NRXN1: variants seen among roughly 807,000 people sequenced by gnomAD.
NRXN1 encodes the protein neurexin-1.
NRXN1 carries 39 observed loss-of-function variants against 150.9 expected under a neutral mutation model. The ratio of observed to expected loss-of-function variants is 0.26; its 90% confidence interval spans 0.20 to 0.34. The LOEUF is 0.34. Among genes scored for constraint, NRXN1 ranks in the 10% least tolerant of loss-of-function variants. NRXN1 has a pLI of 1.00. For missense variants in NRXN1, 1,815 were observed against 1,949.9 expected (o/e 0.93, Z 1.30); for synonymous variants, 924 against 757.0 (o/e 1.22, Z -3.62).
intron 9 of NRXN1, among the ~76,000 whole-genome samples, chr2:50,543,226 C>T (rs1169708694): frequency 6.6e-6 from 1 of 151,914 alleles, no homozygotes; most frequent in Non-Finnish European, 1.5e-5. Flanking sequence ...TACATTCTAC[C>T]CCTTCTACTG....
chr2:50,401,465 G>A (rs1222070969), intron 17 of NRXN1, among the ~76,000 whole-genome samples: 1 of 152,062 alleles, frequency 6.6e-6, no homozygotes, highest in African/African-American at 2.4e-5. Flanking sequence ...TGGTGAGAGC[G>A]GGGAGGGAGA....
intron 5 of NRXN1, among the ~76,000 whole-genome samples, chr2:50,751,173 T>C (rs940576541): frequency 1.3e-5 from 2 of 151,988 alleles, no homozygotes; most frequent in African/African-American, 4.8e-5. Flanking sequence ...GGCTTTGGAT[T>C]TAACACTTTC....
At chr2:50,947,575 T>C (rs2104551998) in intron 2 of NRXN1, among the ~76,000 whole-genome samples, 1 of 152,018 alleles carries the variant, frequency 6.6e-6, no homozygotes, top group South Asian at 2.1e-4. Flanking sequence ...AGACACTAGA[T>C]ACATAAAACT....
intron 12 of NRXN1, among the ~76,000 whole-genome samples, chr2:50,510,653 AG>A (rs1265181914): frequency 1.3e-5 from 2 of 152,138 alleles, no homozygotes; most frequent in African/African-American, 2.4e-5. Flanking sequence ...TATTTAAGCC[AG>A]ATATATTAAT....
chr2:50,478,036 A>G (rs1456383798), intron 15 of NRXN1, among the ~76,000 whole-genome samples: 2 of 152,270 alleles, frequency 1.3e-5, no homozygotes, highest in Non-Finnish European at 2.9e-5. Flanking sequence ...AATTTGTACC[A>G]TTATCTTTAA....
intron 21 of NRXN1, among the ~76,000 whole-genome samples, chr2:49,955,823 A>G (rs1674838120): frequency 6.6e-6 from 1 of 152,186 alleles, no homozygotes; most frequent in African/African-American, 2.4e-5. Flanking sequence ...ACCAAGAAAT[A>G]GTGTAAGACA....
intron 21 of NRXN1, among the ~76,000 whole-genome samples, chr2:50,032,427 C>T (rs1290944353): frequency 6.6e-6 from 1 of 151,794 alleles, no homozygotes; most frequent in African/African-American, 2.4e-5. Context: ...GAAAATAGTG[C>T]CATGATGGAA....
chr2:50,072,430 A>G (rs114657033), intron 19 of NRXN1, among the ~76,000 whole-genome samples: 2,115 of 152,186 alleles, frequency 0.014, 47 homozygotes, highest in African/African-American at 0.048. Context: ...CCCAAAAGAT[A>G]CACTGTGTCC....
intron 17 of NRXN1, among the ~76,000 whole-genome samples, chr2:50,397,397 T>C (rs765277145): frequency 3.3e-4 from 50 of 152,068 alleles, no homozygotes; most frequent in Non-Finnish European, 6.3e-4. Context: ...AAGCAAAGAA[T>C]GACAAGCAGA....
At chr2:50,268,358 T>C (rs556288828) in intron 17 of NRXN1, among the ~76,000 whole-genome samples, 1 of 152,294 alleles carries the variant, frequency 6.6e-6, no homozygotes, top group South Asian at 2.1e-4. Context: ...AGTACACAAA[T>C]ATATGCTTTC....
At chr2:50,197,195 C>G (rs765608689) in intron 18 of NRXN1, among the ~76,000 whole-genome samples, 6 of 152,006 alleles carry the variant, frequency 3.9e-5, no homozygotes, top group Non-Finnish European at 8.8e-5. Context: ...GCTGCCAAAT[C>G]TTTGTTTTTT....
chr2:50,198,581 A>G (rs918496370), intron 18 of NRXN1, among the ~76,000 whole-genome samples: 1 of 152,152 alleles, frequency 6.6e-6, no homozygotes, highest in African/African-American at 2.4e-5. Context: ...TTTTTAAAAT[A>G]CAATACAAAT....
At chr2:50,409,348 G>A (rs1018215045) in intron 17 of NRXN1, among the ~76,000 whole-genome samples, 1 of 152,068 alleles carries the variant, frequency 6.6e-6, no homozygotes, top group Non-Finnish European at 1.5e-5. Flanking sequence ...TAAGTATAAA[G>A]AAAACAAAAC....
In NRXN1 at chr2:50,725,718, T is replaced by A. The variant is rs572916728; in HGVS notation, c.833-102103A>T. On this transcript the variant is annotated intron_variant, in intron 5 of 22. Coordinates refer to ENST00000401669, the MANE Select transcript of NRXN1 (RefSeq NM_001330078.2). ...AAAAACACAAAAATAAAAGCCCACA[T>A]TACATATAACTACAAAAGTTATCTG... Among the ~76,000 whole-genome samples, 16 of 152,298 alleles carry A rather than the reference T, an allele frequency of 1.1e-4. No individual in the cohort carries two copies. In the East Asian group the frequency reaches 3.1e-3, roughly 29 times the overall value.
chr2:50,191,614 T>G (rs1044943027), intron 18 of NRXN1, among the ~76,000 whole-genome samples: 1 of 152,172 alleles, frequency 6.6e-6, no homozygotes, highest in Non-Finnish European at 1.5e-5. Flanking sequence ...ACTTGTCAAA[T>G]CAATAATCTA....
At chr2:50,132,518 G>C (rs1705680292) in intron 18 of NRXN1, among the ~76,000 whole-genome samples, 1 of 152,000 alleles carries the variant, frequency 6.6e-6, no homozygotes, top group Non-Finnish European at 1.5e-5. Context: ...TGTTAGCCAG[G>C]ATGGTCTTGA....
At chr2:50,426,256 AT>A (rs1001177333) in intron 17 of NRXN1, among the ~76,000 whole-genome samples, 2 of 152,100 alleles carry the variant, frequency 1.3e-5, no homozygotes, top group African/African-American at 4.8e-5. Flanking sequence ...AATGCCACCA[AT>A]TGTGTTTCTT....
intron 21 of NRXN1, among the ~76,000 whole-genome samples, chr2:49,960,987 CT>C (rs1183061187): frequency 1.3e-5 from 2 of 151,864 alleles, no homozygotes; most frequent in Non-Finnish European, 2.9e-5. Flanking sequence ...AATTACAAGG[CT>C]TTTTTTCATG....
intron 17 of NRXN1, among the ~76,000 whole-genome samples, chr2:50,258,181 G>A (rs1476826828): frequency 6.6e-6 from 1 of 151,916 alleles, no homozygotes; most frequent in Non-Finnish European, 1.5e-5. Context: ...TGCATCAAAT[G>A]ACTCTACACA....
Sources: gnomAD v4.1 joint callset for allele counts (sites outside exome capture counted in the v4.1 genomes callset) on GRCh38, gnomAD v4.1.1 for gene constraint, MANE v1.5 for transcripts, NCBI Gene and HGNC (gene_info 2026-07-23, HGNC 2026-07-21) for gene names.